CREB5: variants seen among roughly 807,000 people sequenced by gnomAD.
CREB5 encodes the protein cAMP responsive element binding protein 5, also known as cyclic AMP-responsive element-binding protein 5.
CREB5 carries 19 observed loss-of-function variants against 57.1 expected under a neutral mutation model. The observed-to-expected ratio is 0.33, with a 90% CI of 0.23 to 0.49. The LOEUF (loss-of-function observed/expected upper bound fraction) is 0.49. Among genes scored for constraint, CREB5 ranks in the 20% least tolerant of loss-of-function variants. CREB5 has a pLI of 0.99. For synonymous variants in CREB5, 238 were observed against 238.3 expected, an observed-to-expected ratio of 1.00 and a Z score of 0.01; for missense variants, 579 against 671.6, an observed-to-expected ratio of 0.86 and a Z score of 1.52.
At chr7:28,751,969 G>A (rs1805002768) in intron 7 of CREB5, among the ~76,000 whole-genome samples, 1 of 152,058 alleles carries the variant, frequency 6.6e-6, no homozygotes, top group South Asian at 2.1e-4. Context: ...GTTTGTGTTT[G>A]GGTGATGTTT....
At chr7:28,671,728 A>G (rs115317565) in intron 5 of CREB5, among the ~76,000 whole-genome samples, 292 of 152,328 alleles carry the variant, frequency 1.9e-3, no homozygotes, top group African/African-American at 6.5e-3. Context: ...CAACTGCCTG[A>G]GTGTGTGACT....
intron 1 of CREB5, among the ~76,000 whole-genome samples, chr7:28,398,820 T>A (rs1293700786): frequency 6.6e-6 from 1 of 152,012 alleles, no homozygotes. Flanking sequence ...CAAGCGATCC[T>A]CCCACCTCAG....
intron 1 of CREB5, among the ~76,000 whole-genome samples, chr7:28,486,497 C>T (rs1791549460): frequency 6.6e-6 from 1 of 151,142 alleles, no homozygotes; most frequent in South Asian, 2.1e-4. Flanking sequence ...CAAATTACTT[C>T]CTGTGTGCAC....
chr7:28,408,902 C>T (rs1377182468), upstream of CREB5, among the ~76,000 whole-genome samples: 1 of 152,192 alleles, frequency 6.6e-6, no homozygotes. Flanking sequence ...GAGCGTCCTG[C>T]ATTTCTGTTT....
At chr7:28,322,297 C>A (rs1785507774) in intron 1 of CREB5, among the ~76,000 whole-genome samples, 1 of 151,950 alleles carries the variant, frequency 6.6e-6, no homozygotes, top group Non-Finnish European at 1.5e-5. Context: ...GTTTATTTAC[C>A]TTAGGTCTTA....
chr7:28,555,075 A>G (rs1794809742), intron 4 of CREB5, among the ~76,000 whole-genome samples: 1 of 149,352 alleles, frequency 6.7e-6, no homozygotes, highest in African/African-American at 2.5e-5. Context: ...AGCACACTAG[A>G]GGTCTTCCAG....
At position 28,620,777 on chromosome 7, in the gene CREB5, G is replaced by T. The variant is rs373708862; in HGVS notation, c.464+50240G>T. Among the ~76,000 whole-genome samples the T allele has an allele frequency of 2.0e-5, 3 of 152,244 alleles. No homozygotes were observed. The South Asian group carries it at 6.2e-4, about 32-fold the overall frequency. ...CTAGTCAACCACTTCAGAGTCAGGA[G>T]TTGTCTATACAGATAGCCAAGTCTT... On this transcript the variant is annotated intron_variant, in intron 5 of 10. Transcript: ENST00000357727.
At chr7:28,342,375 C>G (rs1377726910) in intron 1 of CREB5, among the ~76,000 whole-genome samples, 1 of 152,058 alleles carries the variant, frequency 6.6e-6, no homozygotes, top group Non-Finnish European at 1.5e-5. Context: ...AATAACCATA[C>G]AAGATATCAA....
intron 7 of CREB5, among the ~76,000 whole-genome samples, chr7:28,736,824 CTTT>C (rs35313065): frequency 1.0e-4 from 14 of 134,826 alleles, no homozygotes; most frequent in Admixed American, 1.5e-4. Flanking sequence ...CTCTCTCTCT[CTTT>C]TTTTTTTTTT....
At chr7:28,522,360 C>A (rs568100073) in intron 4 of CREB5, among the ~76,000 whole-genome samples, 31 of 146,312 alleles carry the variant, frequency 2.1e-4, no homozygotes, top group African/African-American at 7.6e-4. Context: ...ATGAAAATAT[C>A]TTGACTGCAC....
chr7:28,425,893 T>C (rs971253076), intron 1 of CREB5, among the ~76,000 whole-genome samples: 2 of 152,216 alleles, frequency 1.3e-5, no homozygotes, highest in African/African-American at 4.8e-5. Flanking sequence ...AATTTTCAAA[T>C]TGTTCAAACA....
intron 5 of CREB5, among the ~76,000 whole-genome samples, chr7:28,685,735 G>A (rs1472999211): frequency 6.8e-6 from 1 of 147,234 alleles, no homozygotes; most frequent in African/African-American, 2.5e-5. Context: ...CCTGCCTGCA[G>A]AACTCCGGGT....
intron 1 of CREB5, among the ~76,000 whole-genome samples, chr7:28,437,052 T>C (rs1031948872): frequency 2.0e-5 from 3 of 152,158 alleles, no homozygotes; most frequent in African/African-American, 7.2e-5. Context: ...TGTCTCCACT[T>C]TGACTGCATC....
At chr7:28,590,275 A>T (rs1244968768) in intron 5 of CREB5, among the ~76,000 whole-genome samples, 1 of 152,036 alleles carries the variant, frequency 6.6e-6, no homozygotes, top group African/African-American at 2.4e-5. Flanking sequence ...CTTGGAACCA[A>T]CCCAAATGTC....
intron 5 of CREB5, among the ~76,000 whole-genome samples, chr7:28,661,048 T>C (rs1799591547): frequency 1.3e-5 from 2 of 149,110 alleles, no homozygotes; most frequent in Non-Finnish European, 3.0e-5. Context: ...TCCCTGGAAA[T>C]GTTGGGGGAG....
chr7:28,560,931 T>TGTGCGTGCGCGC lies in CREB5; in HGVS notation c.292-9431_292-9430insCGTGCGCGCGTG, dbSNP rs1562797936. On this transcript the variant is annotated intron_variant, in intron 4 of 10. Coordinates refer to ENST00000357727, the MANE Select transcript of CREB5 (RefSeq NM_182898.4). ...GTGCGTGTGCGTGTGTGCGCGTGCG[T>TGTGCGTGCGCGC]GTGTGCGTGCGTGTGTGTGCGTGTG... Among the ~76,000 whole-genome samples the TGTGCGTGCGCGC allele has an allele frequency of 1.3e-3, 62 of 48,540 alleles. 6 individuals are homozygous for TGTGCGTGCGCGC. The highest frequency in any genetic ancestry group is 2.0e-3 in the Non-Finnish European group (54 of 26,522). 31.8% of individuals were successfully genotyped at this position (48,540 alleles called of 152,430 possible). A position where few individuals can be genotyped will look rare whatever the true frequency, so the allele number is the denominator to read the frequency against.
At chr7:28,685,977 A>G in intron 5 of CREB5, 1 of 617,628 alleles carries the variant, frequency 1.6e-6, no homozygotes, top group Admixed American at 2.9e-5. Flanking sequence ...CGAGACCAGG[A>G]GAAAGAGAGC....
intron 4 of CREB5, among the ~76,000 whole-genome samples, chr7:28,555,871 C>G (rs1201575390): frequency 6.6e-6 from 1 of 152,100 alleles, no homozygotes; most frequent in African/African-American, 2.4e-5. Flanking sequence ...CTTAGTCTAT[C>G]AAAGAATCAG....
At chr7:28,405,770 C>T (rs1787565730) in intron 1 of CREB5, among the ~76,000 whole-genome samples, 1 of 152,126 alleles carries the variant, frequency 6.6e-6, no homozygotes, top group African/African-American at 2.4e-5. Context: ...TCAGGCTGAC[C>T]TCTTTTCTTC....
Sources: allele counts gnomAD v4.1 joint callset (sites outside exome capture counted in the v4.1 genomes callset), GRCh38; gene constraint gnomAD v4.1.1; transcripts MANE v1.5; gene names NCBI Gene and HGNC (gene_info 2026-07-23, HGNC 2026-07-21).